The following ELP3 variants were observed in gnomAD, a reference collection of about 807,000 sequenced individuals.
The protein encoded by ELP3 is elongator complex protein 3.
A neutral mutation model predicts 74.9 loss-of-function variants in ELP3; 56 were observed. The ratio of observed to expected loss-of-function variants is 0.75; its 90% CI spans 0.60 to 0.93. The LOEUF is 0.93. Ranked by LOEUF, ELP3 falls within the 40% of genes least tolerant of loss-of-function variation. ELP3 has a pLI of 0.00. For missense variants in ELP3, 573 were observed against 686.5 expected, an observed-to-expected ratio of 0.83 and a Z score of 1.85; for synonymous variants, 222 against 239.8, an observed-to-expected ratio of 0.93 and a Z score of 0.68.
intron 14 of ELP3, among the ~76,000 whole-genome samples, chr8:28,167,245 C>G (rs1814341845): frequency 6.6e-6 from 1 of 152,160 alleles, no homozygotes; most frequent in African/African-American, 2.4e-5. Context: ...ACAGTGCCTC[C>G]TGGTCAGAAA....
chr8:28,103,169 C>CA (rs55976562), intron 3 of ELP3, among the ~76,000 whole-genome samples: 1 of 151,700 alleles, frequency 6.6e-6, no homozygotes, highest in African/African-American at 2.4e-5. Flanking sequence ...GATTCTGTCT[C>CA]AAAAAAACAA....
At chr8:28,115,698 A>G (rs4732823) in intron 7 of ELP3, among the ~76,000 whole-genome samples, 89,251 of 152,080 alleles carry the variant, frequency 0.59, 28,173 homozygotes, top group East Asian at 0.92. Context: ...TGGTGGTAGA[A>G]TGGGATATAA....
chr8:28,190,010 A>G lies in ELP3; in HGVS notation c.*285A>G, dbSNP rs539407387. 1.5e-4 allele frequency: 46 copies of G among 308,948 alleles called. No homozygotes were observed. Among genetic ancestry groups the G allele is most frequent in the African/African-American group, 8.3e-4 (39 of 46,746 alleles). The allele number at this position is 308,948 out of a possible 1,614,324, so 19.1% of individuals were successfully genotyped here. A position where few individuals can be genotyped will look rare whatever the true frequency, so the allele number is the denominator to read the frequency against. On this transcript the variant is annotated 3_prime_UTR_variant, in exon 15 of 15. Coordinates refer to ENST00000256398, the MANE Select transcript of ELP3 (RefSeq NM_018091.6). Reference sequence around the variant, plus strand: ...TTTGCATGAGGCCTGCAGGTGGCCTATTTTGACTCAGACGGTGAAAAAAGC... The same window carrying G: ...TTTGCATGAGGCCTGCAGGTGGCCTGTTTTGACTCAGACGGTGAAAAAAGC...
chr8:28,092,358 AG>A (rs1189125400), upstream of ELP3, among the ~76,000 whole-genome samples: 1 of 152,092 alleles, frequency 6.6e-6, no homozygotes, highest in East Asian at 1.9e-4. Context: ...CCTCCCAAGT[AG>A]CTGGGATTAC....
chr8:28,115,589 G>C (rs757288400), intron 7 of ELP3, among the ~76,000 whole-genome samples: 1 of 152,204 alleles, frequency 6.6e-6, no homozygotes, highest in African/African-American at 2.4e-5. Flanking sequence ...AGTACTCATA[G>C]TTAGCCTTTG....
In ELP3 at chr8:28,162,094, C is replaced by T. The variant is rs10091449; in HGVS notation, c.1567+16C>T. 4.6e-3 allele frequency: 7,485 copies of T among 1,613,076 alleles called. 335 individuals carry two copies. The African/African-American group carries it at 0.089, about 19-fold the overall frequency. ...GTGATATCAGGTAACTGGGGGAGGG[C>T]GAAGTTCATGATTCCTTCCCATTTT... On this transcript the variant is annotated intron_variant, in intron 14 of 14. Coordinates refer to ENST00000256398, the MANE Select transcript of ELP3 (RefSeq NM_018091.6).
intron 7 of ELP3, among the ~76,000 whole-genome samples, chr8:28,124,860 T>C (rs1176586714): frequency 6.6e-6 from 1 of 152,210 alleles, no homozygotes; most frequent in Non-Finnish European, 1.5e-5. Flanking sequence ...TAAATCAAAA[T>C]TCTGTCGTTA....
intron 14 of ELP3, among the ~76,000 whole-genome samples, chr8:28,165,007 T>TA (rs1375667340): frequency 6.6e-6 from 1 of 152,144 alleles, no homozygotes; most frequent in African/African-American, 2.4e-5. Context: ...TTGTCAGCGT[T>TA]ACCTCATTGG....
At position 28,106,774 on chromosome 8, in the gene ELP3, A is replaced by C. The variant is rs767823788; in HGVS notation, c.320A>C (p.Asn107Thr). The change falls in exon 4 of 15, where the codon AAT becomes ACT. Residue 107 changes from asparagine to threonine, a missense_variant. Asn to Thr is a moderately conservative substitution (Grantham distance 65). Transcript: ENST00000256398. ...HRCPHISFTG[N>T]ICVYCPGGPD... Reference sequence around the variant, plus strand: ...TGTCCACACATCAGTTTTACAGGAAATATATGTGTGTAAGTATGGTGATTT... The same window carrying C: ...TGTCCACACATCAGTTTTACAGGAACTATATGTGTGTAAGTATGGTGATTT... 6.2e-7 allele frequency: 1 copy of C among 1,611,902 alleles called. No homozygotes were observed.
At chr8:28,158,738 C>G in intron 12 of ELP3, 105 bp downstream of exon 12, 1 of 869,380 alleles carries the variant, frequency 1.2e-6, no homozygotes, top group South Asian at 1.5e-5. Context: ...GAGTGAATAA[C>G]TAAGAGCAGA....
chr8:28,142,245 A>T (rs1813270880), intron 10 of ELP3, among the ~76,000 whole-genome samples: 1 of 152,196 alleles, frequency 6.6e-6, no homozygotes, highest in African/African-American at 2.4e-5. Context: ...GAAAGGCATG[A>T]CATTATTAAT....
At chr8:28,091,713 A>C (rs1003972570), upstream of ELP3, among the ~76,000 whole-genome samples, 3 of 152,180 alleles carry the variant, frequency 2.0e-5, no homozygotes, top group African/African-American at 7.2e-5. Context: ...TTTCTGGAGA[A>C]CGTAAACCAA....
chr8:28,160,462 C>T lies in ELP3; in HGVS notation c.1485+6C>T, dbSNP rs1176719636. The T allele has an allele frequency of 3.1e-6, 5 of 1,609,856 alleles. No homozygotes were observed. Among genetic ancestry groups the T allele is most frequent in the Non-Finnish European group, 3.4e-6 (4 of 1,177,752 alleles). On this transcript the variant is annotated splice_donor_region_variant and intron_variant, in intron 13 of 14. Transcript: ENST00000256398. ...CTACTAAATTTCAGCATCAGGTATCCTGTATTCCATTTCTATTTGACTTCT... is the reference window on the plus strand; with the variant it reads ...CTACTAAATTTCAGCATCAGGTATCTTGTATTCCATTTCTATTTGACTTCT...
Position 28,097,303 on chromosome 8 carries a change from A to C in ELP3, c.104A>C (p.Asp35Ala). The C allele has an allele frequency of 6.2e-7, 1 of 1,612,858 alleles. No homozygotes were observed. The highest frequency in any genetic ancestry group is 8.5e-7 in the Non-Finnish European group (1 of 1,178,934). The change falls in exon 2 of 15, where the codon GAC (aspartate) becomes GCC (alanine). Residue 35 changes from aspartate (D) to alanine (A), a missense_variant. Physicochemically the swap from Asp to Ala is moderately radical, Grantham distance 126. Transcript: ENST00000256398. ...ATTGAAGCCCACGAGCAGGGGAAAGACATCGATCTAAATAAGTAAGTGGAT... is the reference window on the plus strand; with the variant it reads ...ATTGAAGCCCACGAGCAGGGGAAAGCCATCGATCTAAATAAGTAAGTGGAT... ...QLIEAHEQGK[D>A]IDLNKVKTKT...
intron 8 of ELP3, among the ~76,000 whole-genome samples, chr8:28,130,768 G>A (rs1170465849): frequency 6.6e-6 from 1 of 152,204 alleles, no homozygotes; most frequent in Non-Finnish European, 1.5e-5. Flanking sequence ...GAGGAAGATT[G>A]AGGCAGAAAG....
intron 10 of ELP3, among the ~76,000 whole-genome samples, chr8:28,149,725 T>A (rs192026704): frequency 2.0e-5 from 3 of 152,324 alleles, no homozygotes; most frequent in Non-Finnish European, 4.4e-5. Context: ...TTGGATTTAA[T>A]TTACTCATAG....
rs1410976483 is a variant in ELP3 at position 28,113,000 on chromosome 8, T to C, written c.463-19T>C. 3 of 1,610,242 alleles carry C rather than the reference T, an allele frequency of 1.9e-6. No individual in the cohort carries two copies. The highest frequency in any genetic ancestry group is 2.5e-6 in the Non-Finnish European group (3 of 1,178,142). On this transcript the variant is annotated intron_variant, in intron 6 of 14. Coordinates refer to ENST00000256398, the MANE Select transcript of ELP3 (RefSeq NM_018091.6). The stretch of plus-strand genomic sequence containing the variant: ...CCTTATGCTTATATCATTCTAATGC[T>C]GATGAATTTGTCTTTCAGTTAAAAC...
At chr8:28,148,182 A>G (rs1475822722) in intron 10 of ELP3, among the ~76,000 whole-genome samples, 3 of 152,228 alleles carry the variant, frequency 2.0e-5, no homozygotes, top group Admixed American at 1.3e-4. Context: ...GTAATACTAC[A>G]GTACTACACT....
intron 7 of ELP3, among the ~76,000 whole-genome samples, chr8:28,116,075 A>G (rs1812119627): frequency 6.6e-6 from 1 of 152,182 alleles, no homozygotes; most frequent in Non-Finnish European, 1.5e-5. Flanking sequence ...TGAATTTTGA[A>G]TGAACAGTTA....
Sources: allele counts gnomAD v4.1 joint callset (sites outside exome capture counted in the v4.1 genomes callset), GRCh38; gene constraint gnomAD v4.1.1; transcripts MANE v1.5; gene names NCBI Gene and HGNC (gene_info 2026-07-23, HGNC 2026-07-21).